The following ZC3H12B variants were observed in gnomAD, a reference collection of about 807,000 sequenced individuals.
ZC3H12B encodes probable ribonuclease ZC3H12B.
In ZC3H12B, 7 loss-of-function variants were observed where a neutral mutation model predicts 43.9. The ratio of observed to expected loss-of-function variants is 0.16; its 90% CI spans 0.09 to 0.30. The LOEUF (loss-of-function observed/expected upper bound fraction) is 0.30. Among genes scored for constraint, ZC3H12B ranks in the 10% least tolerant of loss-of-function variants. The pLI is 1.00. For missense variants in ZC3H12B, 475 were observed against 670.2 expected (o/e 0.71, Z 3.22); for synonymous variants, 222 against 241.7 (o/e 0.92, Z 0.76).
the ZC3H12B span, among the ~76,000 whole-genome samples, chrX:65,095,282 GCATT>G: frequency 1.8e-5 from 2 of 111,834 alleles, no homozygotes; most frequent in African/African-American, 6.5e-5. Context: ...TTTAAAAGAT[GCATT>G]CAAAGTGTAA....
the ZC3H12B span, among the ~76,000 whole-genome samples, chrX:65,118,222 T>A: frequency 8.9e-6 from 1 of 112,034 alleles, no homozygotes; most frequent in African/African-American, 3.2e-5. Flanking sequence ...TTTGTTTGTG[T>A]CCTCTTTGAT....
chrX:65,074,856 A>T, the ZC3H12B span, among the ~76,000 whole-genome samples: 1 of 111,844 alleles, frequency 8.9e-6, no homozygotes, highest in East Asian at 2.8e-4. Context: ...CATTTTATTT[A>T]TGTATCCTAT....
chrX:65,172,986 A>G, the ZC3H12B span, among the ~76,000 whole-genome samples: 1 of 111,982 alleles, frequency 8.9e-6, no homozygotes, highest in Non-Finnish European at 1.9e-5. Flanking sequence ...TTTGATGGTA[A>G]TAGCATTGAA....
the ZC3H12B span, among the ~76,000 whole-genome samples, chrX:65,228,301 G>C: frequency 8.9e-6 from 1 of 111,836 alleles, no homozygotes; most frequent in Non-Finnish European, 1.9e-5. Context: ...TATCTCAATA[G>C]ATGCAGAAAA....
At chrX:65,152,470 C>T in the ZC3H12B span, among the ~76,000 whole-genome samples, 2 of 111,266 alleles carry the variant, frequency 1.8e-5, no homozygotes, top group Non-Finnish European at 3.8e-5. Context: ...AGTGAACTCC[C>T]ATTCACAACT....
At chrX:65,300,744 C>A in the ZC3H12B span, among the ~76,000 whole-genome samples, 1 of 111,469 alleles carries the variant, frequency 9.0e-6, no homozygotes, top group South Asian at 3.7e-4. Flanking sequence ...ACTAAACCAA[C>A]ACAAAACCAC....
At chrX:65,331,952 G>A in the ZC3H12B span, among the ~76,000 whole-genome samples, 1 of 111,216 alleles carries the variant, frequency 9.0e-6, no homozygotes, top group East Asian at 2.8e-4. Flanking sequence ...TAATTTTGGT[G>A]GGTTTTAGCT....
chrX:65,159,346 A>T, the ZC3H12B span, among the ~76,000 whole-genome samples: 1 of 111,478 alleles, frequency 9.0e-6, no homozygotes, highest in Non-Finnish European at 1.9e-5. Flanking sequence ...TGAATCTATA[A>T]ATTACCTTGG....
the ZC3H12B span, among the ~76,000 whole-genome samples, chrX:65,223,591 G>C: frequency 8.9e-6 from 1 of 112,399 alleles, no homozygotes; most frequent in East Asian, 2.8e-4. Flanking sequence ...TCAATGCTCA[G>C]ACTCTACAAA....
chrX:65,118,198 G>A, the ZC3H12B span, among the ~76,000 whole-genome samples: 1 of 111,835 alleles, frequency 8.9e-6, no homozygotes, highest in East Asian at 2.8e-4. Flanking sequence ...ACAGGAGCAT[G>A]GAATGTTCTT....
chrX:65,062,787 A>G, the ZC3H12B span, among the ~76,000 whole-genome samples: 1 of 112,169 alleles, frequency 8.9e-6, no homozygotes, highest in Non-Finnish European at 1.9e-5. Flanking sequence ...CTTCCTATCC[A>G]TGAGCATGGA....
At chrX:65,109,551 A>G in the ZC3H12B span, among the ~76,000 whole-genome samples, 1 of 111,784 alleles carries the variant, frequency 8.9e-6, no homozygotes, top group African/African-American at 3.2e-5. Context: ...TGCCCAAACA[A>G]TATTCCATTT....
chrX:65,233,378 A>G, the ZC3H12B span, among the ~76,000 whole-genome samples: 3 of 111,841 alleles, frequency 2.7e-5, no homozygotes, highest in African/African-American at 6.5e-5. Context: ...ATTCAAAAAA[A>G]TTGAAATCAT....
At chrX:65,193,750 G>T in the ZC3H12B span, among the ~76,000 whole-genome samples, 12 of 111,326 alleles carry the variant, frequency 1.1e-4, no homozygotes, top group East Asian at 8.4e-4. Context: ...CTACTTTTTG[G>T]TGTAGGAATT....
the ZC3H12B span, among the ~76,000 whole-genome samples, chrX:65,146,647 G>A: frequency 1.6e-4 from 18 of 111,520 alleles, no homozygotes; most frequent in African/African-American, 5.5e-4. Context: ...TTGTCTCATG[G>A]GGTGTTCCTT....
At chrX:65,324,289 T>C in the ZC3H12B span, among the ~76,000 whole-genome samples, 6 of 112,049 alleles carry the variant, frequency 5.4e-5, no homozygotes, top group African/African-American at 1.9e-4. Flanking sequence ...TCCTAAATGG[T>C]ACTGCCTAGG....
At chrX:65,359,447 G>A in the ZC3H12B span, among the ~76,000 whole-genome samples, 1 of 112,114 alleles carries the variant, frequency 8.9e-6, no homozygotes, top group South Asian at 3.7e-4. Context: ...TTAAGAACTT[G>A]TGCACTTCAT....
At chrX:65,411,496 G>T (rs926055044) in intron 3 of ZC3H12B, among the ~76,000 whole-genome samples, 19 of 111,363 alleles carry the variant, frequency 1.7e-4, no homozygotes, top group Admixed American at 1.2e-3. Context: ...GGGAGGCCAA[G>T]GTGGGCAGAT....
the ZC3H12B span, among the ~76,000 whole-genome samples, chrX:65,120,922 C>G: frequency 1.8e-5 from 2 of 111,450 alleles, no homozygotes; most frequent in African/African-American, 6.5e-5. Context: ...TGGTTTTTGT[C>G]ATTGGTTCTA....
Sources: gnomAD v4.1 joint callset for allele counts (sites outside exome capture counted in the v4.1 genomes callset) on GRCh38, gnomAD v4.1.1 for gene constraint, MANE v1.5 for transcripts, NCBI Gene and HGNC (gene_info 2026-07-23, HGNC 2026-07-21) for gene names.